XKR4: variants seen among roughly 807,000 people sequenced by gnomAD.
The protein encoded by XKR4 is XK-related protein 4.
XKR4 carries 12 observed loss-of-function variants against 53.9 expected under a neutral mutation model. The observed-to-expected ratio is 0.22, with a 90% CI of 0.14 to 0.36. The LOEUF is 0.36. XKR4 is among the 10% of genes least tolerant of loss of function. The pLI is 1.00. For missense variants in XKR4, 799 were observed against 859.5 expected (o/e 0.93, Z 0.88); for synonymous variants, 354 against 362.4 (o/e 0.98, Z 0.26).
chr8:55,124,939 G>A (rs1185897653), intron 1 of XKR4, among the ~76,000 whole-genome samples: 3 of 152,172 alleles, frequency 2.0e-5, no homozygotes, highest in African/African-American at 7.2e-5. Context: ...GTCTATCCAT[G>A]CTTGAAATAT....
chr8:55,392,472 A>T (rs964393650), intron 2 of XKR4, among the ~76,000 whole-genome samples: 4 of 152,228 alleles, frequency 2.6e-5, no homozygotes, highest in African/African-American at 4.8e-5. Flanking sequence ...TATATTTTTT[A>T]AAAAGTACAT....
intron 1 of XKR4, among the ~76,000 whole-genome samples, chr8:55,233,324 C>G: frequency 6.6e-6 from 1 of 151,998 alleles, no homozygotes; most frequent in Non-Finnish European, 1.5e-5. Context: ...GGTTTTTGTC[C>G]TTTGTCCTTT....
In XKR4 at chr8:55,534,800, G is replaced by A. The variant is rs1044984877; in HGVS notation, c.*10573G>A. 6.7e-6 allele frequency: 1 copy of A among 148,770 alleles called. No individual in the cohort carries two copies. The highest frequency in any genetic ancestry group is 1.5e-5 in the Non-Finnish European group (1 of 67,544). 9.2% of individuals were successfully genotyped at this position (148,770 alleles called of 1,614,324 possible). A position where few individuals can be genotyped will look rare whatever the true frequency, so the allele number is the denominator to read the frequency against. On this transcript the variant is annotated 3_prime_UTR_variant, in exon 3 of 3. Coordinates refer to ENST00000327381, the MANE Select transcript of XKR4 (RefSeq NM_052898.2). ...TTTTTCAAAGAAAGATTTGAGCTAC[G>A]AGATAAGAATGAAGTTACCAGAAGT...
At chr8:55,365,568 A>T (rs1344771810) in intron 2 of XKR4, among the ~76,000 whole-genome samples, 1 of 152,148 alleles carries the variant, frequency 6.6e-6, no homozygotes, top group African/African-American at 2.4e-5. Flanking sequence ...TTAGCCGGGC[A>T]TGGTGGCGCA....
At chr8:55,135,161 C>T (rs1042349994) in intron 1 of XKR4, 5 of 154,804 alleles carry the variant, frequency 3.2e-5, no homozygotes, top group Non-Finnish European at 7.2e-5. Flanking sequence ...TACACACATA[C>T]ATGGCTTGAA....
At chr8:55,179,075 A>C (rs1585922410) in intron 1 of XKR4, among the ~76,000 whole-genome samples, 1 of 152,168 alleles carries the variant, frequency 6.6e-6, no homozygotes, top group East Asian at 1.9e-4. Flanking sequence ...TAAATATGGC[A>C]GGAGGAGCTA....
intron 2 of XKR4, among the ~76,000 whole-genome samples, chr8:55,426,734 C>A (rs1805020747): frequency 6.6e-6 from 1 of 152,182 alleles, no homozygotes; most frequent in African/African-American, 2.4e-5. Context: ...GGCAACTCAA[C>A]CACCAGTTTG....
chr8:55,310,816 G>A (rs1323084526), intron 1 of XKR4, among the ~76,000 whole-genome samples: 5 of 152,228 alleles, frequency 3.3e-5, no homozygotes, highest in African/African-American at 7.2e-5. Context: ...GTTTATTCCG[G>A]AATGCTCAGG....
chr8:55,287,256 C>T lies in XKR4; in HGVS notation c.807-70422C>T, dbSNP rs577685607. Among the ~76,000 whole-genome samples, 7 of 151,888 alleles carry T rather than the reference C, an allele frequency of 4.6e-5. No homozygotes were observed. In the South Asian group the frequency reaches 8.4e-4, roughly 18 times the overall value. ...AGATTAGAAGTGCCAAAAGTTGGAG[C>T]ACAAGCTATATATTTAGTAATGTGT... On this transcript the variant is annotated intron_variant, in intron 1 of 2. Transcript: ENST00000327381.
chr8:55,103,891 ATATC>A (rs1816100511), intron 1 of XKR4, among the ~76,000 whole-genome samples: 2 of 123,170 alleles, frequency 1.6e-5, no homozygotes. Flanking sequence ...ATATATATAT[ATATC>A]CCCGAGCATG....
At chr8:55,453,918 C>T (rs1805504839) in intron 2 of XKR4, 5 of 634,820 alleles carry the variant, frequency 7.9e-6, no homozygotes, top group East Asian at 7.6e-5. Flanking sequence ...AAGGCCATGC[C>T]CTCCAGCACA....
intron 2 of XKR4, among the ~76,000 whole-genome samples, chr8:55,488,241 A>T (rs892593388): frequency 6.6e-6 from 1 of 152,206 alleles, no homozygotes; most frequent in African/African-American, 2.4e-5. Flanking sequence ...GGGCAACAGG[A>T]ACTCTTATTC....
At chr8:55,373,993 G>A (rs986365892) in intron 2 of XKR4, among the ~76,000 whole-genome samples, 3 of 152,236 alleles carry the variant, frequency 2.0e-5, no homozygotes, top group Non-Finnish European at 4.4e-5. Context: ...GGAGAAGTGC[G>A]AGGTCTCTTA....
At chr8:55,182,939 C>G (rs953918228) in intron 1 of XKR4, among the ~76,000 whole-genome samples, 5 of 151,974 alleles carry the variant, frequency 3.3e-5, no homozygotes, top group African/African-American at 4.8e-5. Flanking sequence ...CATGGTATCT[C>G]TCTCCATTTA....
chr8:55,319,302 G>A (rs1376325822), intron 1 of XKR4, among the ~76,000 whole-genome samples: 1 of 152,154 alleles, frequency 6.6e-6, no homozygotes, highest in Non-Finnish European at 1.5e-5. Flanking sequence ...GCGATTTGTG[G>A]TTCTTTGGTA....
At chr8:55,178,309 C>A (rs1027094789) in intron 1 of XKR4, among the ~76,000 whole-genome samples, 1 of 152,086 alleles carries the variant, frequency 6.6e-6, no homozygotes, top group African/African-American at 2.4e-5. Context: ...CTTTGAAGAC[C>A]AGCTATACCA....
At chr8:55,508,056 TAA>T (rs1806570350) in intron 2 of XKR4, among the ~76,000 whole-genome samples, 1 of 152,268 alleles carries the variant, frequency 6.6e-6, no homozygotes, top group African/African-American at 2.4e-5. Context: ...CATTTCCATT[TAA>T]AAGTCTCTGT....
chr8:55,354,421 G>A (rs1212764714), intron 1 of XKR4, among the ~76,000 whole-genome samples: 3 of 152,148 alleles, frequency 2.0e-5, no homozygotes, highest in Non-Finnish European at 4.4e-5. Context: ...TCCAAACTGA[G>A]TAGGACAGGG....
chr8:55,267,452 T>C (rs191492763), intron 1 of XKR4, among the ~76,000 whole-genome samples: 3 of 152,196 alleles, frequency 2.0e-5, no homozygotes, highest in Non-Finnish European at 4.4e-5. Flanking sequence ...CTTAAATGAC[T>C]GTCTCAAGGC....
Sources: allele counts gnomAD v4.1 joint callset (sites outside exome capture counted in the v4.1 genomes callset), GRCh38; gene constraint gnomAD v4.1.1; transcripts MANE v1.5; gene names NCBI Gene and HGNC (gene_info 2026-07-23, HGNC 2026-07-21).